ANKRD30BL: variants seen among roughly 807,000 people sequenced by gnomAD.
ANKRD30BL encodes ankyrin repeat domain 30B like.
In ANKRD30BL, 20 loss-of-function variants were observed where a neutral mutation model predicts 18.4. The ratio of observed to expected loss-of-function variants is 1.09; its 90% confidence interval spans 0.77 to 1.58. ANKRD30BL has a LOEUF of 1.58. Ranked by LOEUF, ANKRD30BL falls within the 40% of genes most tolerant of loss-of-function variation. The pLI is 0.00. For missense variants in ANKRD30BL, 224 were observed against 268.6 expected (o/e 0.83, Z 1.16); for synonymous variants, 72 against 100.9 (o/e 0.71, Z 1.72).
At position 132,188,713 on chromosome 2, in the gene ANKRD30BL, A is replaced by AAACAACAAC. The variant is rs72500297; in HGVS notation, n.442-31576_442-31568dup. ...TGATAGAGCGAGCCTCTGTCTCAGA[A>AAACAACAAC]AACAACAACAACAACAACAACAACA... On this transcript the variant is annotated intron_variant and non_coding_transcript_variant, in intron 1 of 4. Coordinates refer to the ANKRD30BL transcript ENST00000470729. Among the ~76,000 whole-genome samples, 1,354 of 151,606 alleles carry AAACAACAAC rather than the reference A, an allele frequency of 8.9e-3. 24 individuals carry two copies. The highest frequency in any genetic ancestry group is 0.03 in the African/African-American group (1,239 of 41,152).
intron 1 of ANKRD30BL, among the ~76,000 whole-genome samples, chr2:132,169,126 A>C (rs942921438): frequency 6.6e-6 from 1 of 152,178 alleles, no homozygotes; most frequent in African/African-American, 2.4e-5. Flanking sequence ...TCCAAAAAGT[A>C]AATATTTTCT....
At chr2:132,208,606 A>T (rs1193881243) in intron 1 of ANKRD30BL, among the ~76,000 whole-genome samples, 1 of 152,112 alleles carries the variant, frequency 6.6e-6, no homozygotes, top group Non-Finnish European at 1.5e-5. Flanking sequence ...TGGAAAAAGT[A>T]AGAAATTTCA....
rs898205812 is a variant in ANKRD30BL, at chr2:132,220,498, T to G, written n.441+37031A>C. Among the ~76,000 whole-genome samples, 16 of 151,892 alleles carry G rather than the reference T, an allele frequency of 1.1e-4. 1 individual carries two copies. Among genetic ancestry groups the G allele is most frequent in the South Asian group, 8.3e-4 (4 of 4,808 alleles). The stretch of plus-strand genomic sequence containing the variant: ...CCTGCCTCAGCCTGCCGAGTGCCTG[T>G]GATTGCAGGCGCGCGTCGCCACGCC... On this transcript the variant is annotated intron_variant and non_coding_transcript_variant, in intron 1 of 4. Coordinates refer to the ANKRD30BL transcript ENST00000470729.
intron 1 of ANKRD30BL, among the ~76,000 whole-genome samples, chr2:132,216,451 G>T (rs377489838): frequency 6.3e-4 from 92 of 146,334 alleles, no homozygotes; most frequent in African/African-American, 2.1e-3. Context: ...TGAGCAGTTT[G>T]GAAACACTCT....
intron 1 of ANKRD30BL, among the ~76,000 whole-genome samples, chr2:132,227,860 G>A (rs1679889937): frequency 6.6e-6 from 1 of 151,906 alleles, no homozygotes; most frequent in African/African-American, 2.4e-5. Flanking sequence ...CACTCTTTTT[G>A]TAGATTCTGT....
At chr2:132,199,567 C>T (rs1287819533) in intron 1 of ANKRD30BL, among the ~76,000 whole-genome samples, 4 of 150,840 alleles carry the variant, frequency 2.7e-5, no homozygotes, top group East Asian at 3.9e-4. Context: ...AGTGCAGTGG[C>T]GGGATCTCGG....
At chr2:132,222,454 A>T (rs1679718134) in intron 1 of ANKRD30BL, among the ~76,000 whole-genome samples, 1 of 152,120 alleles carries the variant, frequency 6.6e-6, no homozygotes. Context: ...TGTGGATAGA[A>T]GTAGACATGG....
intron 1 of ANKRD30BL, among the ~76,000 whole-genome samples, chr2:132,181,415 G>A (rs1462210445): frequency 1.3e-5 from 2 of 151,750 alleles, no homozygotes; most frequent in African/African-American, 4.8e-5. Context: ...AGAGGTCGTA[G>A]TGAGTCGAGA....
At chr2:132,235,865 G>C (rs575221158) in intron 1 of ANKRD30BL, among the ~76,000 whole-genome samples, 19 of 152,198 alleles carry the variant, frequency 1.2e-4, no homozygotes, top group Non-Finnish European at 1.9e-4. Context: ...AACCAAAAAA[G>C]AGCCCGCATC....
At chr2:132,210,172 CGGCCT>C (rs1679307073) in intron 1 of ANKRD30BL, among the ~76,000 whole-genome samples, 9 of 145,928 alleles carry the variant, frequency 6.2e-5, no homozygotes, top group African/African-American at 2.3e-4. Flanking sequence ...GAGCGCTTTG[CGGCCT>C]ATAGTGGAAA....
At chr2:132,148,670 A>T (rs948085981) in intron 5 of ANKRD30BL, among the ~76,000 whole-genome samples, 2 of 152,038 alleles carry the variant, frequency 1.3e-5, no homozygotes, top group African/African-American at 2.4e-5. Flanking sequence ...GCTCCTGGAC[A>T]CTACCAAACT....
chr2:132,194,055 T>TCACA (rs373251947), intron 1 of ANKRD30BL, among the ~76,000 whole-genome samples: 11 of 127,830 alleles, frequency 8.6e-5, no homozygotes, highest in Admixed American at 6.0e-4. Context: ...TCTCTCTCTC[T>TCACA]CACACACACA....
intron 1 of ANKRD30BL, among the ~76,000 whole-genome samples, chr2:132,222,397 G>T (rs936178266): frequency 6.6e-6 from 1 of 151,988 alleles, no homozygotes; most frequent in Admixed American, 6.6e-5. Context: ...ATAGAAAGGC[G>T]GGAAGGTTGG....
intron 1 of ANKRD30BL, among the ~76,000 whole-genome samples, chr2:132,212,876 T>C (rs1291246379): frequency 6.6e-6 from 1 of 151,878 alleles, no homozygotes; most frequent in Non-Finnish European, 1.5e-5. Context: ...TCTCACAGAG[T>C]TGTAACTTTC....
intron 1 of ANKRD30BL, among the ~76,000 whole-genome samples, chr2:132,171,087 G>A (rs574346016): frequency 3.2e-4 from 49 of 151,078 alleles, no homozygotes; most frequent in Admixed American, 1.1e-3. Flanking sequence ...ACCCGGAGGC[G>A]GAGCCTGCAG....
intron 1 of ANKRD30BL, among the ~76,000 whole-genome samples, chr2:132,210,217 G>A (rs916316304): frequency 2.6e-5 from 4 of 151,910 alleles, no homozygotes; most frequent in Non-Finnish European, 4.4e-5. Flanking sequence ...AAACTAGACA[G>A]AAGCCTTCTG....
intron 1 of ANKRD30BL, among the ~76,000 whole-genome samples, chr2:132,200,774 C>T (rs1357211944): frequency 6.6e-6 from 1 of 152,124 alleles, no homozygotes; most frequent in Non-Finnish European, 1.5e-5. Flanking sequence ...TGACTTTCTT[C>T]ACAGAATTGG....
intron 1 of ANKRD30BL, among the ~76,000 whole-genome samples, chr2:132,221,455 C>T (rs571775103): frequency 0.017 from 2,091 of 125,470 alleles, 23 homozygotes; most frequent in Non-Finnish European, 0.023. Context: ...CCACCCCGTC[C>T]GGGAGGTGAG....
At chr2:132,166,429 T>C (rs368890345), upstream of ANKRD30BL, among the ~76,000 whole-genome samples, 17 of 149,956 alleles carry the variant, frequency 1.1e-4, no homozygotes, top group Admixed American at 3.4e-4. Context: ...CCTGGAAACA[T>C]TGGGGGGGTG....
Sources: allele counts gnomAD v4.1 joint callset (sites outside exome capture counted in the v4.1 genomes callset), GRCh38; gene constraint gnomAD v4.1.1; transcripts MANE v1.5; gene names NCBI Gene and HGNC (gene_info 2026-07-23, HGNC 2026-07-21).